Variants in AOPEP observed in about 807,000 individuals in gnomAD.
AOPEP encodes the protein aminopeptidase O.
In AOPEP, 77 loss-of-function variants were observed where a neutral mutation model predicts 98.1. The ratio of observed to expected loss-of-function variants is 0.78; its 90% CI spans 0.65 to 0.95. The LOEUF (loss-of-function observed/expected upper bound fraction) is 0.95, where lower values mean the gene tolerates loss of function less well. Ranked by LOEUF, AOPEP falls within the 40% of genes least tolerant of loss-of-function variation. The pLI is 0.00. For missense variants in AOPEP, 1,024 were observed against 1,024.7 expected (o/e 1.00, Z 0.01); for synonymous variants, 346 against 365.3 (o/e 0.95, Z 0.60).
rs1386555387 is a variant in AOPEP, at chr9:94,760,569, C to A, written c.786C>A (p.Asp262Glu). ...PEGRSVTWTS[D>E]QSGRPCVYTV... The stretch of plus-strand genomic sequence containing the variant: ...GGCGATCGGTTACATGGACCTCAGA[C>A]CAGAGTGGCAGGTAGGTTATCCAAG... Residue 262 changes from aspartate to glutamate, a missense_variant, in exon 2 of 17, where the codon GAC becomes GAA. Physicochemically the swap from Asp to Glu is conservative, Grantham distance 45. This residue lies in a region of AOPEP where 440 missense variants were observed against 433.8 expected (regional missense o/e 1.01). Coordinates refer to ENST00000375315, the MANE Select transcript of AOPEP (RefSeq NM_001193329.3). The A allele has an allele frequency of 1.3e-6, 2 of 1,540,146 alleles. No homozygotes were observed. Among genetic ancestry groups the A allele is most frequent in the Non-Finnish European group, 1.7e-6 (2 of 1,147,360 alleles).
rs2058374461 is a variant in AOPEP at position 94,955,276 on chromosome 9, A to G, written c.1761A>G (p.Leu587=). Residue 587 remains leucine, a synonymous_variant, in exon 8 of 17, where the codon TTA becomes TTG. Coordinates refer to ENST00000375315, the MANE Select transcript of AOPEP (RefSeq NM_001193329.3). ...PEKIFMQVHY[L]KGYFLLRFLA... Reference sequence around the variant, plus strand: ...AGATCTTCATGCAGGTGCATTATTTAAAGGTAAGCACATGTCAGTTGCAGA... The same window carrying G: ...AGATCTTCATGCAGGTGCATTATTTGAAGGTAAGCACATGTCAGTTGCAGA... The G allele has an allele frequency of 6.2e-7, 1 of 1,604,096 alleles. No homozygotes were observed. The highest frequency in any genetic ancestry group is 1.3e-5 in the African/African-American group (1 of 74,686).
intron 1 of AOPEP, among the ~76,000 whole-genome samples, chr9:94,730,886 CTG>C (rs1324974135): frequency 2.0e-5 from 3 of 151,968 alleles, no homozygotes; most frequent in Non-Finnish European, 4.4e-5. Flanking sequence ...TTTATGTACA[CTG>C]AGAAATTTAT....
In AOPEP at chr9:95,008,782, C is replaced by T. The variant is rs1282415962; in HGVS notation, c.2115+3166C>T. 4.6e-5 allele frequency among the ~76,000 whole-genome samples: 7 copies of T among 152,270 alleles called. No individual in the cohort carries two copies. The South Asian group carries it at 1.5e-3, about 32-fold the overall frequency. On this transcript the variant is annotated intron_variant, in intron 13 of 16. Transcript: ENST00000375315. ...TCCTAACAGGCTTCATTTCTTATCT[C>T]TCTGAAGATGCATCATTCTGTCTCA...
intron 5 of AOPEP, among the ~76,000 whole-genome samples, chr9:94,827,513 A>G (rs1588425732): frequency 1.3e-5 from 2 of 152,202 alleles, no homozygotes; most frequent in Non-Finnish European, 2.9e-5. Flanking sequence ...TTTCTTCTCT[A>G]ACTTATCATG....
the AOPEP span, among the ~76,000 whole-genome samples, chr9:95,130,414 A>G: frequency 6.6e-6 from 1 of 152,236 alleles, no homozygotes; most frequent in Non-Finnish European, 1.5e-5. Context: ...AATCCCTTTT[A>G]GAAAAAATAA....
intron 11 of AOPEP, among the ~76,000 whole-genome samples, chr9:95,000,116 ATCC>A (rs2061470027): frequency 6.6e-6 from 1 of 152,190 alleles, no homozygotes. Flanking sequence ...CAGGGCCAAA[ATCC>A]TCCTAAAAAA....
intron 5 of AOPEP, among the ~76,000 whole-genome samples, chr9:94,823,358 C>T (rs1426469491): frequency 6.6e-6 from 1 of 152,184 alleles, no homozygotes; most frequent in Non-Finnish European, 1.5e-5. Flanking sequence ...GGTCAGTATA[C>T]CTCTCTACCT....
chr9:95,138,091 A>C, the AOPEP span, among the ~76,000 whole-genome samples: 2 of 152,250 alleles, frequency 1.3e-5, no homozygotes, highest in Non-Finnish European at 2.9e-5. Context: ...TTTCGCTTGC[A>C]CTTGAATCCT....
intron 7 of AOPEP, chr9:94,931,750 CTT>C (rs945752962): frequency 1.3e-6 from 2 of 1,550,440 alleles, no homozygotes; most frequent in Non-Finnish European, 1.7e-6. Flanking sequence ...GGAAGCTTCT[CTT>C]GAGATCTTTG....
chr9:94,821,020 A>G (rs1383720569), intron 5 of AOPEP, among the ~76,000 whole-genome samples: 1 of 152,216 alleles, frequency 6.6e-6, no homozygotes, highest in Non-Finnish European at 1.5e-5. Context: ...CAATTCTATA[A>G]AGTTATGTTC....
chr9:94,882,857 AG>A (rs1421098661), intron 5 of AOPEP, among the ~76,000 whole-genome samples: 1 of 152,212 alleles, frequency 6.6e-6, no homozygotes, highest in African/African-American at 2.4e-5. Context: ...GTCTCCAGAA[AG>A]GTTAACCCGT....
the AOPEP span, among the ~76,000 whole-genome samples, chr9:95,148,294 A>C: frequency 6.6e-6 from 1 of 152,116 alleles, no homozygotes; most frequent in Non-Finnish European, 1.5e-5. Context: ...GGAGAAAAGC[A>C]CTCCACTTGT....
chr9:94,969,609 G>A (rs565878145), intron 10 of AOPEP, among the ~76,000 whole-genome samples: 59 of 151,904 alleles, frequency 3.9e-4, no homozygotes, highest in African/African-American at 1.2e-3. Context: ...GGGTTTCACC[G>A]TGTTAGCCAG....
chr9:94,866,004 A>G (rs1376226001), intron 5 of AOPEP, among the ~76,000 whole-genome samples: 1 of 152,204 alleles, frequency 6.6e-6, no homozygotes, highest in Non-Finnish European at 1.5e-5. Context: ...GGCCATTGCA[A>G]ATGGCATCAT....
At chr9:94,822,861 GA>G (rs1391142480) in intron 5 of AOPEP, among the ~76,000 whole-genome samples, 19 of 152,250 alleles carry the variant, frequency 1.2e-4, no homozygotes, top group Admixed American at 1.2e-3. Flanking sequence ...AGGAAACTGA[GA>G]AAAGAGTAAT....
intron 7 of AOPEP, chr9:94,932,803 CT>C (rs1347533176): frequency 7.1e-6 from 7 of 985,266 alleles, no homozygotes; most frequent in Non-Finnish European, 8.4e-6. Flanking sequence ...CTTAGATTGA[CT>C]TTGCTGTGTT....
chr9:95,090,593 G>A (rs1198354201), downstream of AOPEP, among the ~76,000 whole-genome samples: 5 of 152,142 alleles, frequency 3.3e-5, no homozygotes, highest in Non-Finnish European at 4.4e-5. Context: ...GCACTTGGTC[G>A]CCTGCAGGCC....
At chr9:94,853,433 G>A (rs367720717) in intron 5 of AOPEP, among the ~76,000 whole-genome samples, 66 of 152,010 alleles carry the variant, frequency 4.3e-4, no homozygotes, top group African/African-American at 1.5e-3. Flanking sequence ...GCACTCCAGC[G>A]TGGGCAACAG....
At chr9:95,063,116 A>C (rs568022229) in intron 14 of AOPEP, among the ~76,000 whole-genome samples, 1 of 152,346 alleles carries the variant, frequency 6.6e-6, no homozygotes, top group South Asian at 2.1e-4. Flanking sequence ...TGCAGCCAGC[A>C]CGGAAAATGA....
Sources: allele counts gnomAD v4.1 joint callset (sites outside exome capture counted in the v4.1 genomes callset), GRCh38; gene constraint gnomAD v4.1.1; regional missense constraint gnomAD v4.1.1; transcripts MANE v1.5; gene names NCBI Gene and HGNC (gene_info 2026-07-23, HGNC 2026-07-21).